The following PDE8A variants were observed in gnomAD, a reference collection of about 807,000 sequenced individuals.
PDE8A encodes high affinity cAMP-specific and IBMX-insensitive 3',5'-cyclic phosphodiesterase 8A.
PDE8A carries 59 observed loss-of-function variants against 105.0 expected under a neutral mutation model. That is an observed-to-expected ratio of 0.56 (90% CI 0.46 to 0.70). PDE8A has a LOEUF of 0.70. PDE8A is among the 30% of genes least tolerant of loss of function. The pLI is 0.00. For missense variants in PDE8A, 1,014 were observed against 1,045.9 expected, an observed-to-expected ratio of 0.97 and a Z score of 0.42; for synonymous variants, 355 against 371.9, an observed-to-expected ratio of 0.95 and a Z score of 0.52.
intron 1 of PDE8A, among the ~76,000 whole-genome samples, chr15:85,016,063 G>T (rs945307598): frequency 1.3e-5 from 2 of 152,280 alleles, no homozygotes; most frequent in East Asian, 3.9e-4. Flanking sequence ...TTGAACCCGG[G>T]AAGTGGAGGT....
At chr15:85,065,361 T>G in intron 2 of PDE8A, among the ~76,000 whole-genome samples, 1 of 143,764 alleles carries the variant, frequency 7.0e-6, no homozygotes, top group South Asian at 2.3e-4. Flanking sequence ...AGGGATAGCA[T>G]TGGGAGATAT....
chr15:85,091,509 T>G (rs1345641469), intron 8 of PDE8A, among the ~76,000 whole-genome samples: 1 of 152,226 alleles, frequency 6.6e-6, no homozygotes, highest in Non-Finnish European at 1.5e-5. Context: ...GGTAAAGAAT[T>G]GCCAGTAAGG....
chr15:84,999,247 A>G (rs962326464), intron 1 of PDE8A, among the ~76,000 whole-genome samples: 6 of 151,012 alleles, frequency 4.0e-5, no homozygotes, highest in Admixed American at 2.6e-4. Context: ...CAGCCTCCCA[A>G]GCAGCTGGGA....
chr15:85,091,299 T>A, intron 8 of PDE8A, 118 bp downstream of exon 8: 1 of 868,806 alleles, frequency 1.2e-6, no homozygotes, highest in Non-Finnish European at 1.7e-6. Context: ...CCCAGGGAAG[T>A]ATAGGGAATG....
intron 5 of PDE8A, among the ~76,000 whole-genome samples, chr15:85,078,508 C>G (rs1294229480): frequency 7.4e-6 from 1 of 134,490 alleles, no homozygotes; most frequent in African/African-American, 2.7e-5. Flanking sequence ...CGAGATTGTG[C>G]CACTGCACTC....
chr15:85,060,841 A>G (rs886982267), intron 1 of PDE8A, among the ~76,000 whole-genome samples: 3 of 152,218 alleles, frequency 2.0e-5, no homozygotes, highest in African/African-American at 7.2e-5. Context: ...TTTATACAAT[A>G]GCAATAGCTT....
intron 1 of PDE8A, among the ~76,000 whole-genome samples, chr15:85,003,974 A>G (rs2080105824): frequency 6.6e-6 from 1 of 152,156 alleles, no homozygotes; most frequent in South Asian, 2.1e-4. Context: ...AAGAGCATGG[A>G]GGGTCATGAG....
chr15:85,034,004 G>A (rs555526638), intron 1 of PDE8A, among the ~76,000 whole-genome samples: 2 of 152,310 alleles, frequency 1.3e-5, no homozygotes, highest in African/African-American at 4.8e-5. Context: ...GACACACTGT[G>A]TTCTGGAAAA....
chr15:85,130,877 A>G (rs931744617), intron 20 of PDE8A, among the ~76,000 whole-genome samples: 1 of 152,158 alleles, frequency 6.6e-6, no homozygotes, highest in African/African-American at 2.4e-5. Context: ...CTCCTGCCTC[A>G]GCCTCCTGAG....
intron 1 of PDE8A, among the ~76,000 whole-genome samples, chr15:85,057,361 G>A (rs2081078025): frequency 6.6e-6 from 1 of 152,232 alleles, no homozygotes; most frequent in Non-Finnish European, 1.5e-5. Context: ...GTTTAAGTCT[G>A]CAGAAGTTTC....
intron 1 of PDE8A, among the ~76,000 whole-genome samples, chr15:84,998,059 A>G (rs1188671489): frequency 1.3e-5 from 2 of 152,240 alleles, no homozygotes; most frequent in African/African-American, 2.4e-5. Context: ...AAAATTTTTT[A>G]TGTATAAACT....
chr15:84,996,931 G>A (rs1567220251), intron 1 of PDE8A, among the ~76,000 whole-genome samples: 1 of 151,400 alleles, frequency 6.6e-6, no homozygotes, highest in Admixed American at 6.6e-5. Context: ...TGAATGAGTG[G>A]TGAGTGAATG....
At chr15:84,983,947 A>C (rs1311501609) in intron 1 of PDE8A, among the ~76,000 whole-genome samples, 1 of 152,190 alleles carries the variant, frequency 6.6e-6, no homozygotes, top group African/African-American at 2.4e-5. Flanking sequence ...GTTTTTAAGT[A>C]CTTACTTCAA....
chr15:85,026,955 A>G (rs1287739347), intron 1 of PDE8A, among the ~76,000 whole-genome samples: 1 of 152,204 alleles, frequency 6.6e-6, no homozygotes, highest in Non-Finnish European at 1.5e-5. Flanking sequence ...ATTTTTTAAA[A>G]CACTGCTTAA....
At chr15:85,110,535 A>T (rs1246224639) in intron 12 of PDE8A, among the ~76,000 whole-genome samples, 1 of 152,138 alleles carries the variant, frequency 6.6e-6, no homozygotes, top group Non-Finnish European at 1.5e-5. Context: ...GCCTCATAGA[A>T]TTGGAATCGT....
In PDE8A at chr15:85,026,786, CAAAA is replaced by C. The variant is rs916433133; in HGVS notation, c.187-37580_187-37577del. On this transcript the variant is annotated intron_variant, in intron 1 of 21. Transcript: ENST00000394553. ...TCTCAAAACAAAAAACAAAACAAAA[CAAAA>C]AAACTAAATTTAAAAAATAAAACAA... 3.3e-5 allele frequency among the ~76,000 whole-genome samples: 5 copies of C among 151,876 alleles called. 1 individual carries two copies. Among genetic ancestry groups the C allele is most frequent in the African/African-American group, 1.2e-4 (5 of 41,316 alleles).
At position 85,067,073 on chromosome 15, in the gene PDE8A, A is replaced by G. The variant is rs201501632; in HGVS notation, c.303A>G (p.Glu101=). ...NQCNGFCRAC[E]KAGFKCTVTK... ...GTAATGGATTCTGCAGGGCATGTGA[A>G]AAAGCAGGGTTTAAGTGTACAGTTA... The change falls in exon 3 of 22, where the codon GAA becomes GAG. Residue 101 remains glutamate, a synonymous_variant. Coordinates refer to ENST00000394553, the MANE Select transcript of PDE8A (RefSeq NM_002605.3). The G allele has an allele frequency of 4.3e-6, 7 of 1,613,932 alleles. No individual in the cohort carries two copies. In the African/African-American group the frequency reaches 9.3e-5, roughly 22 times the overall value.
At chr15:85,019,875 C>T (rs1054162736) in intron 1 of PDE8A, among the ~76,000 whole-genome samples, 3 of 146,846 alleles carry the variant, frequency 2.0e-5, no homozygotes, top group South Asian at 4.5e-4. Flanking sequence ...AGCCACTATG[C>T]GTGGCCAGTG....
chr15:85,042,231 C>T (rs906672608), intron 1 of PDE8A, among the ~76,000 whole-genome samples: 13 of 152,036 alleles, frequency 8.6e-5, no homozygotes, highest in Non-Finnish European at 1.8e-4. Context: ...GGCTGGAGTG[C>T]AGTGGTGCAA....
Sources: allele counts gnomAD v4.1 joint callset (sites outside exome capture counted in the v4.1 genomes callset), GRCh38; gene constraint gnomAD v4.1.1; transcripts MANE v1.5; gene names NCBI Gene and HGNC (gene_info 2026-07-23, HGNC 2026-07-21).